The following PANX2 variants were observed in gnomAD, a reference collection of about 807,000 sequenced individuals.
PANX2 encodes the protein pannexin-2.
A neutral mutation model predicts 38.7 loss-of-function variants in PANX2; 30 were observed. The ratio of observed to expected loss-of-function variants is 0.78; its 90% CI spans 0.58 to 1.05. PANX2 has a LOEUF of 1.05. Ranked by LOEUF, PANX2 falls within the 50% of genes least tolerant of loss-of-function variation. The pLI is 0.00. For missense variants in PANX2, 880 were observed against 979.3 expected, an observed-to-expected ratio of 0.90 and a Z score of 1.35; for synonymous variants, 539 against 472.1, an observed-to-expected ratio of 1.14 and a Z score of -1.84.
In PANX2 at chr22:50,178,404, T is replaced by G; in HGVS notation, c.1690+2T>G. On this transcript the variant is annotated splice_donor_variant, in intron 2 of 2. Coordinates refer to ENST00000395842, the MANE Select transcript of PANX2 (RefSeq NM_052839.4). LOFTEE classifies it high-confidence loss of function. ...GCCTGGCCCCGGCGCCCATCAAAGG[T>G]AGGGGCAGGGCCGGAGAGAGGGGAC... 1.4e-6 allele frequency: 2 copies of G among 1,407,356 alleles called. No individual in the cohort carries two copies. The highest frequency in any genetic ancestry group is 1.8e-6 in the Non-Finnish European group (2 of 1,086,778). The allele number at this position is 1,407,356 out of a possible 1,614,324, so 87.2% of individuals were successfully genotyped here.
chr22:50,173,208 TTTTTAGTA>T (rs1343274728), intron 1 of PANX2, among the ~76,000 whole-genome samples: 17 of 152,198 alleles, frequency 1.1e-4, no homozygotes, highest in Non-Finnish European at 1.8e-4. Flanking sequence ...ATTTTTTGTA[TTTTTAGTA>T]GAGACGGGGT....
chr22:50,178,940 C>A lies in PANX2; in HGVS notation c.1697C>A (p.Pro566Gln), dbSNP rs777537673. 1.9e-6 allele frequency: 3 copies of A among 1,568,168 alleles called. No individual in the cohort carries two copies. The highest frequency in any genetic ancestry group is 1.4e-5 in the African/African-American group (1 of 73,396). ...TGCTCTTGGCTGTTTGCAGATGCTC[C>A]GCTCCCCGAGAAGGAAATCCCGTAC... Reference protein sequence around the residue: ...GLAPAPIKDAPLPEKEIPYPT... With the variant: ...GLAPAPIKDAQLPEKEIPYPT... The change falls in exon 3 of 3, where the codon CCG becomes CAG. Residue 566 changes from proline to glutamine, a missense_variant. Pro to Gln is a moderately conservative substitution (Grantham distance 76). Transcript: ENST00000395842.
In PANX2 at chr22:50,173,280, G is replaced by A. The variant is rs532469059; in HGVS notation, c.226+2324G>A. Among the ~76,000 whole-genome samples, 190 of 151,712 alleles carry A rather than the reference G, an allele frequency of 1.3e-3. 1 individual carries two copies. Among genetic ancestry groups the A allele is most frequent in the Non-Finnish European group, 2.0e-3 (136 of 67,990 alleles). On this transcript the variant is annotated intron_variant, in intron 1 of 2. Coordinates refer to ENST00000395842, the MANE Select transcript of PANX2 (RefSeq NM_052839.4). ...TCTCCTGATCTCAGGTGATCCGCCC[G>A]CCTCGGCCTCCCAAATTGCTGGGAT... is the stretch of plus-strand genomic sequence containing the variant.
chr22:50,177,910 TCGGGGGTGCAGA>T lies in PANX2; in HGVS notation c.1200_1211del (p.Gly401_Thr404del). ...CGACGCCACCCCCACGGTGCGCGAC[TCGGGGGTGCAGA>T]CCGTGGACCCCAGCGCCAACCCCGC... On this transcript the variant is annotated inframe_deletion, in exon 2 of 3. Coordinates refer to ENST00000395842, the MANE Select transcript of PANX2 (RefSeq NM_052839.4). 6.5e-7 allele frequency: 1 copy of T among 1,529,938 alleles called. No homozygotes were observed. The highest frequency in any genetic ancestry group is 8.8e-7 in the Non-Finnish European group (1 of 1,142,036). The allele number at this position is 1,529,938 out of a possible 1,614,324, so 94.8% of individuals were successfully genotyped here. A position where few individuals can be genotyped will look rare whatever the true frequency, so the allele number is the denominator to read the frequency against.
chr22:50,171,196 G>A (rs1321174322), intron 1 of PANX2, among the ~76,000 whole-genome samples: 5 of 152,178 alleles, frequency 3.3e-5, no homozygotes, highest in Non-Finnish European at 5.9e-5. Context: ...GCCCATGGCC[G>A]CGGGTGGGAC....
chr22:50,176,523 A>G (rs2063662007), intron 1 of PANX2, among the ~76,000 whole-genome samples: 1 of 152,196 alleles, frequency 6.6e-6, no homozygotes, highest in Admixed American at 6.5e-5. Flanking sequence ...CCCGGGCTGT[A>G]CACGGCCTGT....
chr22:50,170,852 T>C lies in PANX2; in HGVS notation c.122T>C (p.Leu41Pro), dbSNP rs774290751. The C allele has an allele frequency of 1.3e-6, 2 of 1,506,932 alleles. No homozygotes were observed. Among genetic ancestry groups the C allele is most frequent in the Non-Finnish European group, 1.8e-6 (2 of 1,125,750 alleles). 93.3% of individuals were successfully genotyped at this position (1,506,932 alleles called of 1,614,324 possible). Residue 41 changes from leucine to proline, a missense_variant, in exon 1 of 3, where the codon CTT becomes CCT. Physicochemically the swap from Leu to Pro is moderately conservative, Grantham distance 98. Coordinates refer to ENST00000395842, the MANE Select transcript of PANX2 (RefSeq NM_052839.4). ...DDKAGALAALLLQLKLELPFD... is the reference protein window; with the variant it reads ...DDKAGALAALPLQLKLELPFD... Reference sequence around the variant, plus strand: ...AAGGCGGGCGCGCTGGCCGCGCTGCTTCTGCAGCTGAAGCTGGAGCTGCCG... The same window carrying C: ...AAGGCGGGCGCGCTGGCCGCGCTGCCTCTGCAGCTGAAGCTGGAGCTGCCG...
chr22:50,179,010 C>A lies in PANX2; in HGVS notation c.1767C>A (p.Phe589Leu), dbSNP rs1403112605. The change falls in exon 3 of 3, where the codon TTC becomes TTA. Residue 589 changes from phenylalanine to leucine, a missense_variant. Phe to Leu is a conservative substitution (Grantham distance 22, BLOSUM62 0). Around this residue, in one of 4 missense-constraint regions of PANX2, gnomAD observed 445 missense variants for 404.3 expected, o/e 1.10. Coordinates refer to ENST00000395842, the MANE Select transcript of PANX2 (RefSeq NM_052839.4). ...CAGGGCTTCCCTCGGGGGGCCCGTT[C>A]CACGTCCGCTCACCTCCCGCCGCCC... ...ARAGLPSGGP[F>L]HVRSPPAAPA... 2 of 1,610,460 alleles carry A rather than the reference C, an allele frequency of 1.2e-6. No individual in the cohort carries two copies. The highest frequency in any genetic ancestry group is 1.7e-6 in the Non-Finnish European group (2 of 1,178,730).
chr22:50,177,120 C>T lies in PANX2; in HGVS notation c.408C>T (p.Tyr136=), dbSNP rs776678689. 1 of 1,608,932 alleles carries T rather than the reference C, an allele frequency of 6.2e-7. No homozygotes were observed. The highest frequency in any genetic ancestry group is 1.3e-5 in the African/African-American group (1 of 74,884). The change falls in exon 2 of 3, where the codon TAC becomes TAT. Residue 136 remains tyrosine (Y), a synonymous_variant. Transcript: ENST00000395842. ...TGCTGGCCTTCGCCGCCATCATGTA[C>T]GTGCCCGCGCTGGGCTGGGAGTTCC... ...YALLAFAAIM[Y]VPALGWEFLA...
rs1377335874 is a variant in PANX2, at chr22:50,178,279, G to A, written c.1567G>A (p.Gly523Ser). ...CCTGGACGTGCACCCCTACATCCTC[G>A]GCACCAAGAAGGCCAAGGCCGAGGC... The part of the protein sequence containing the change: ...FSLDVHPYIL[G>S]TKKAKAEAVP... The change falls in exon 2 of 3, where the codon GGC (glycine) becomes AGC (serine). Residue 523 changes from glycine to serine, a missense_variant. This residue lies in a region of PANX2 where 445 missense variants were observed against 404.3 expected (regional missense o/e 1.10). Transcript: ENST00000395842. 2.0e-6 allele frequency: 3 copies of A among 1,502,880 alleles called. No individual in the cohort carries two copies. Among genetic ancestry groups the A allele is most frequent in the Non-Finnish European group, 1.8e-6 (2 of 1,127,728 alleles). 93.1% of individuals were successfully genotyped at this position (1,502,880 alleles called of 1,614,324 possible). A position where few individuals can be genotyped will look rare whatever the true frequency, so the allele number is the denominator to read the frequency against.
chr22:50,179,285 C>A lies in PANX2; in HGVS notation c.*8C>A. ...AGTACTGTGGAGTTTTGAGGGATGG[C>A]ACCGTCCAGGCCGCCGAGAGCCCCT... On this transcript the variant is annotated 3_prime_UTR_variant, in exon 3 of 3. Transcript: ENST00000395842. 6.2e-7 allele frequency: 1 copy of A among 1,608,116 alleles called. No homozygotes were observed. The highest frequency in any genetic ancestry group is 8.5e-7 in the Non-Finnish European group (1 of 1,176,922).
Position 50,170,822 on chromosome 22 carries a change from A to T in PANX2, c.92A>T (p.Asp31Val). The T allele has an allele frequency of 6.8e-7, 1 of 1,479,422 alleles. No individual in the cohort carries two copies. The highest frequency in any genetic ancestry group is 9.0e-7 in the Non-Finnish European group (1 of 1,111,574). The allele number at this position is 1,479,422 out of a possible 1,614,324, so 91.6% of individuals were successfully genotyped here. ...LRELILPGAQDDKAGALAALL... is the reference protein window; with the variant it reads ...LRELILPGAQVDKAGALAALL... The stretch of plus-strand genomic sequence containing the variant: ...GAGCTGATCCTGCCGGGCGCGCAGG[A>T]CGACAAGGCGGGCGCGCTGGCCGCG... Residue 31 changes from aspartate (D) to valine (V), a missense_variant, in exon 1 of 3, where the codon GAC becomes GTC. This residue lies in a region of PANX2 where 243 missense variants were observed against 333.1 expected (regional missense o/e 0.73). Transcript: ENST00000395842.
intron 1 of PANX2, among the ~76,000 whole-genome samples, chr22:50,174,211 CA>C (rs898201585): frequency 1.3e-5 from 2 of 152,094 alleles, no homozygotes; most frequent in African/African-American, 2.4e-5. Flanking sequence ...GGTGGGAGGA[CA>C]GGGGTGGAAA....
rs749572106 is a variant in PANX2 at position 50,179,161 on chromosome 22, G to C, written c.1918G>C (p.Gly640Arg). 3 of 1,611,522 alleles carry C rather than the reference G, an allele frequency of 1.9e-6. No individual in the cohort carries two copies. The highest frequency in any genetic ancestry group is 2.5e-6 in the Non-Finnish European group (3 of 1,179,684). ...GTACGAGGCCCGGGAGGAGGAGGAC[G>C]GGGGCCCCCGCCTGCCGCAGGACGT... ...TLYEAREEED[G>R]GPRLPQDVGD... Residue 640 changes from glycine to arginine, a missense_variant, in exon 3 of 3, where the codon GGG (glycine) becomes CGG (arginine). Coordinates refer to ENST00000395842, the MANE Select transcript of PANX2 (RefSeq NM_052839.4).
Position 50,179,910 on chromosome 22 carries a change from G to T in PANX2, c.*633G>T. ...TATTTATCATCAGGAGACAGGATGG[G>T]TTTAAAGCAGGATGGTGTGTGTGTG... On this transcript the variant is annotated 3_prime_UTR_variant, in exon 3 of 3. Coordinates refer to ENST00000395842, the MANE Select transcript of PANX2 (RefSeq NM_052839.4). 6.5e-6 allele frequency: 1 copy of T among 154,956 alleles called. No individual in the cohort carries two copies. 9.6% of individuals were successfully genotyped at this position (154,956 alleles called of 1,614,324 possible).
rs1417577261 is a variant in PANX2 at position 50,176,922 on chromosome 22, C to T, written c.227-17C>T. 1 of 1,511,398 alleles carries T rather than the reference C, an allele frequency of 6.6e-7. No individual in the cohort carries two copies. Among genetic ancestry groups the T allele is most frequent in the East Asian group, 2.3e-5 (1 of 43,388 alleles). 93.6% of individuals were successfully genotyped at this position (1,511,398 alleles called of 1,614,324 possible). ...TGCGCCTCCCCGCCCCAGCCCGTGT[C>T]TCCTCTTTGCCCCCAGAGGAACCCA... On this transcript the variant is annotated splice_polypyrimidine_tract_variant and intron_variant, in intron 1 of 2. Transcript: ENST00000395842.
chr22:50,178,975 C>A lies in PANX2; in HGVS notation c.1732C>A (p.Pro578Thr), dbSNP rs1241746955. ...GAAGGAAATCCCGTACCCCACAGAGCCAGCCCGGGCAGGGCTTCCCTCGGG... is the reference window on the plus strand; with the variant it reads ...GAAGGAAATCCCGTACCCCACAGAGACAGCCCGGGCAGGGCTTCCCTCGGG... Reference protein sequence around the residue: ...PEKEIPYPTEPARAGLPSGGP... With the variant: ...PEKEIPYPTETARAGLPSGGP... The change falls in exon 3 of 3, where the codon CCA becomes ACA. Residue 578 changes from proline to threonine, a missense_variant. Around this residue, in one of 4 missense-constraint regions of PANX2, gnomAD observed 445 missense variants for 404.3 expected, o/e 1.10. Transcript: ENST00000395842. The A allele has an allele frequency of 6.2e-7, 1 of 1,604,126 alleles. No homozygotes were observed. The highest frequency in any genetic ancestry group is 8.5e-7 in the Non-Finnish European group (1 of 1,174,608).
In PANX2 at chr22:50,178,076, G is replaced by C. The variant is rs1357955909; in HGVS notation, c.1364G>C (p.Ser455Thr). ...CTGGCCATCATGCGCGTGGAGAACA[G>C]CAAGGCGGAGAAGCCGAAGCCCGCG... ...EPLAIMRVEN[S>T]KAEKPKPARR... The change falls in exon 2 of 3, where the codon AGC becomes ACC. Residue 455 changes from serine (S) to threonine (T), a missense_variant. Transcript: ENST00000395842. 1 of 1,553,756 alleles carries C rather than the reference G, an allele frequency of 6.4e-7. No individual in the cohort carries two copies. Among genetic ancestry groups the C allele is most frequent in the African/African-American group, 1.4e-5 (1 of 73,186 alleles).
intron 1 of PANX2, among the ~76,000 whole-genome samples, chr22:50,171,432 G>A (rs182106444): frequency 6.6e-6 from 1 of 152,162 alleles, no homozygotes; most frequent in Non-Finnish European, 1.5e-5. Context: ...TCTCTGAGAG[G>A]CCCAGGCCCT....
Sources: allele counts gnomAD v4.1 joint callset (sites outside exome capture counted in the v4.1 genomes callset), GRCh38; gene constraint gnomAD v4.1.1; regional missense constraint gnomAD v4.1.1; transcripts MANE v1.5; gene names NCBI Gene and HGNC (gene_info 2026-07-23, HGNC 2026-07-21).